The following SOX5 variants were observed in gnomAD, a reference collection of about 807,000 sequenced individuals.
SOX5 encodes the protein transcription factor SOX-5.
In SOX5, 9 loss-of-function variants were observed where a neutral mutation model predicts 92.0. The observed-to-expected ratio is 0.10, with a 90% confidence interval of 0.06 to 0.17. SOX5 has a LOEUF of 0.17. Among genes scored for constraint, SOX5 ranks in the 10% least tolerant of loss-of-function variants. The pLI is 1.00. For missense variants in SOX5, 642 were observed against 944.5 expected, an observed-to-expected ratio of 0.68 and a Z score of 4.20; for synonymous variants, 344 against 336.3, an observed-to-expected ratio of 1.02 and a Z score of -0.25.
intron 3 of SOX5, among the ~76,000 whole-genome samples, chr12:24,243,350 T>G (rs1937876685): frequency 6.6e-6 from 1 of 152,180 alleles, no homozygotes; most frequent in African/African-American, 2.4e-5. Flanking sequence ...TAAAGTGTGT[T>G]TTTCTGTACA....
At chr12:23,861,249 A>C (rs1051142248) in intron 2 of SOX5, among the ~76,000 whole-genome samples, 1 of 152,226 alleles carries the variant, frequency 6.6e-6, no homozygotes, top group African/African-American at 2.4e-5. Context: ...TGCCACATAA[A>C]TGTTAGAATA....
At chr12:23,689,203 C>T (rs2088261228) in intron 6 of SOX5, among the ~76,000 whole-genome samples, 3 of 152,096 alleles carry the variant, frequency 2.0e-5, no homozygotes, top group Admixed American at 2.0e-4. Context: ...CATTTGGCTA[C>T]AGCATTATCC....
intron 4 of SOX5, among the ~76,000 whole-genome samples, chr12:24,045,833 A>G (rs940425050): frequency 6.6e-6 from 1 of 152,190 alleles, no homozygotes; most frequent in Non-Finnish European, 1.5e-5. Context: ...GAACAATTCA[A>G]ACATGTTGTT....
chr12:24,273,486 C>A (rs1944030401), intron 3 of SOX5, among the ~76,000 whole-genome samples: 1 of 152,124 alleles, frequency 6.6e-6, no homozygotes, highest in African/African-American at 2.4e-5. Context: ...AAAATTTATA[C>A]GTATTTCTTA....
At chr12:24,286,145 G>C (rs531265599) in intron 2 of SOX5, among the ~76,000 whole-genome samples, 2 of 152,226 alleles carry the variant, frequency 1.3e-5, no homozygotes, top group African/African-American at 4.8e-5. Flanking sequence ...TGCAATGTTT[G>C]ACAATCACAA....
chr12:23,601,510 A>C (rs2074492155), intron 9 of SOX5, among the ~76,000 whole-genome samples: 1 of 152,180 alleles, frequency 6.6e-6, no homozygotes, highest in African/African-American at 2.4e-5. Flanking sequence ...CCCTTTAATA[A>C]AATAACTCTA....
intron 1 of SOX5, among the ~76,000 whole-genome samples, chr12:24,427,966 A>G (rs1467906946): frequency 6.6e-6 from 1 of 152,196 alleles, no homozygotes; most frequent in African/African-American, 2.4e-5. Flanking sequence ...TGCTGACTGT[A>G]GAGATTTTGA....
At chr12:23,776,821 G>A (rs1042276571) in intron 3 of SOX5, among the ~76,000 whole-genome samples, 4 of 152,070 alleles carry the variant, frequency 2.6e-5, no homozygotes, top group Admixed American at 6.5e-5. Flanking sequence ...AGTCATGCTC[G>A]CCCGCCACTC....
chr12:24,548,068 T>C (rs1952817208), intron 1 of SOX5, among the ~76,000 whole-genome samples: 2 of 152,334 alleles, frequency 1.3e-5, no homozygotes, highest in East Asian at 3.9e-4. Context: ...CATTCTATCA[T>C]TAATTCCTCA....
intron 3 of SOX5, among the ~76,000 whole-genome samples, chr12:23,802,686 T>C (rs1468258578): frequency 6.6e-6 from 1 of 152,226 alleles, no homozygotes; most frequent in East Asian, 1.9e-4. Context: ...GCTATAATTG[T>C]TTTGTAAAAT....
chr12:23,901,331 G>A (rs1404289430), intron 1 of SOX5, among the ~76,000 whole-genome samples: 1 of 152,048 alleles, frequency 6.6e-6, no homozygotes, highest in Non-Finnish European at 1.5e-5. Flanking sequence ...ACAACACCTT[G>A]ATTTTAGGAC....
chr12:23,980,789 G>A (rs1254379662), intron 4 of SOX5, among the ~76,000 whole-genome samples: 4 of 152,096 alleles, frequency 2.6e-5, no homozygotes, highest in Non-Finnish European at 5.9e-5. Context: ...GCCCAAGGAT[G>A]AGTACCCACA....
intron 1 of SOX5, among the ~76,000 whole-genome samples, chr12:24,379,832 TAAAA>T (rs35373420): frequency 7.1e-6 from 1 of 140,702 alleles, no homozygotes; most frequent in African/African-American, 2.6e-5. Context: ...TTTACCACTT[TAAAA>T]AAAAAAAAGA....
chr12:23,944,934 G>A (rs1944294776), intron 1 of SOX5, among the ~76,000 whole-genome samples: 1 of 152,060 alleles, frequency 6.6e-6, no homozygotes. Context: ...CAGGCTGTTG[G>A]ATAACCCCAT....
At chr12:24,145,395 A>AT (rs1184058865) in intron 4 of SOX5, among the ~76,000 whole-genome samples, 1 of 152,204 alleles carries the variant, frequency 6.6e-6, no homozygotes, top group African/African-American at 2.4e-5. Context: ...AACAGAATGA[A>AT]TTTTTTAAAA....
chr12:24,402,568 G>T (rs999215917), intron 1 of SOX5, among the ~76,000 whole-genome samples: 1 of 152,118 alleles, frequency 6.6e-6, no homozygotes, highest in Non-Finnish European at 1.5e-5. Context: ...CTGCATTTAG[G>T]AGGTTCTAAA....
chr12:24,497,134 T>A (rs1597320097), intron 1 of SOX5, among the ~76,000 whole-genome samples: 1 of 152,234 alleles, frequency 6.6e-6, no homozygotes, highest in African/African-American at 2.4e-5. Flanking sequence ...TAGGCTATGG[T>A]TTCTCATATA....
chr12:24,057,798 C>G (rs575669968), intron 4 of SOX5, among the ~76,000 whole-genome samples: 2 of 152,064 alleles, frequency 1.3e-5, no homozygotes, highest in African/African-American at 4.8e-5. Context: ...GTCAATAGTT[C>G]ATTTGTGATT....
intron 1 of SOX5, among the ~76,000 whole-genome samples, chr12:24,502,474 G>A (rs903976379): frequency 1.3e-5 from 2 of 152,074 alleles, no homozygotes; most frequent in African/African-American, 2.4e-5. Context: ...ATAACCTACT[G>A]ATAATGGAAA....
Sources: gnomAD v4.1 joint callset for allele counts (sites outside exome capture counted in the v4.1 genomes callset) on GRCh38, gnomAD v4.1.1 for gene constraint, MANE v1.5 for transcripts, NCBI Gene and HGNC (gene_info 2026-07-23, HGNC 2026-07-21) for gene names.